Variants in BANP observed in about 807,000 individuals in gnomAD.
The protein encoded by BANP is BTG3 associated nuclear protein, also known as protein BANP.
A neutral mutation model predicts 68.1 loss-of-function variants in BANP; 11 were observed. The observed-to-expected ratio is 0.16, with a 90% CI of 0.10 to 0.27. BANP has a LOEUF of 0.27. Ranked by LOEUF, BANP falls within the 10% of genes least tolerant of loss-of-function variation. The pLI, the probability that BANP is intolerant of heterozygous loss-of-function variation, is 1.00. For synonymous variants in BANP, 329 were observed against 303.2 expected (o/e 1.09, Z -0.88); for missense variants, 504 against 722.7 (o/e 0.70, Z 3.47).
chr16:88,020,690 G>T lies in BANP; in HGVS notation c.895+2023G>T, dbSNP rs575593277. Among the ~76,000 whole-genome samples, 4 of 152,324 alleles carry T rather than the reference G, an allele frequency of 2.6e-5. No homozygotes were observed. The South Asian group carries it at 8.3e-4, about 32-fold the overall frequency. On this transcript the variant is annotated intron_variant, in intron 7 of 13. Transcript: ENST00000682872. ...GCTGTGTGGGGCAGTGGCATTCGGG[G>T]CTGGGCCCTGTTCCCAGGTGAGGAG...
Position 87,984,127 on chromosome 16 carries a change from C to T in BANP, c.230C>T (p.Ala77Val). 1.2e-6 allele frequency: 2 copies of T among 1,613,212 alleles called. No homozygotes were observed. The highest frequency in any genetic ancestry group is 1.7e-6 in the Non-Finnish European group (2 of 1,179,514). Residue 77 changes from alanine (A) to valine (V), a missense_variant, in exon 4 of 14, where the codon GCC becomes GTC. Coordinates refer to ENST00000682872, the MANE Select transcript of BANP (RefSeq NM_001386991.1). ...GATAGCATTGAAGCCAAATTGCAAGCCCTGGAGGCTACTTGTAAATCCTTA... is the reference window on the plus strand; with the variant it reads ...GATAGCATTGAAGCCAAATTGCAAGTCCTGGAGGCTACTTGTAAATCCTTA... Reference protein sequence around the residue: ...RLDSIEAKLQALEATCKSLEE... With the variant: ...RLDSIEAKLQVLEATCKSLEE...
chr16:87,974,852 C>T lies in BANP; in HGVS notation c.-68-196C>T, dbSNP rs113822666. On this transcript the variant is annotated intron_variant, in intron 1 of 13. Transcript: ENST00000682872. ...GTCCAGTGGTTAAGGAAAGAGGCAGCGGGTGGCGTTTTCAACTATTTGTTA... is the reference window on the plus strand; with the variant it reads ...GTCCAGTGGTTAAGGAAAGAGGCAGTGGGTGGCGTTTTCAACTATTTGTTA... Among the ~76,000 whole-genome samples, 726 of 152,240 alleles carry T rather than the reference C, an allele frequency of 4.8e-3. 9 individuals are homozygous for T. Among genetic ancestry groups the T allele is most frequent in the African/African-American group, 0.016 (657 of 41,540 alleles).
At chr16:88,031,387 T>C (rs1224912071) in intron 8 of BANP, among the ~76,000 whole-genome samples, 1 of 152,196 alleles carries the variant, frequency 6.6e-6, no homozygotes, top group Admixed American at 6.5e-5. Flanking sequence ...CTTACACCTA[T>C]AATCCCAGCA....
rs573868781 is a variant in BANP, at chr16:88,061,223, TGGGGTCTCCC to T, written c.1312-4039_1312-4030del. 8.7e-4 allele frequency among the ~76,000 whole-genome samples: 133 copies of T among 152,304 alleles called. 1 individual carries two copies. Among genetic ancestry groups the T allele is most frequent in the African/African-American group, 3.2e-3 (131 of 41,568 alleles). On this transcript the variant is annotated intron_variant, in intron 11 of 13. Coordinates refer to ENST00000682872, the MANE Select transcript of BANP (RefSeq NM_001386991.1). ...GCCACAAGGCACCTTTGTGTGAATGTGGGGTCTCCCGGGGCATCTTGCCATCGCTCTGGGC... is the reference window on the plus strand; with the variant it reads ...GCCACAAGGCACCTTTGTGTGAATGTGGGGCATCTTGCCATCGCTCTGGGC...
Position 88,059,980 on chromosome 16 carries a change from G to T in BANP, c.1312-5287G>T, listed in dbSNP as rs139213959. ...GAGGGCTGAGGTTGGCACAGGTGGG[G>T]TTCTCCGTGTAGTGTGTGGTGAGAC... is the stretch of plus-strand genomic sequence containing the variant. On this transcript the variant is annotated intron_variant, in intron 11 of 13. Transcript: ENST00000682872. Among the ~76,000 whole-genome samples, 738 of 152,364 alleles carry T rather than the reference G, an allele frequency of 4.8e-3. 6 individuals carry two copies. Among genetic ancestry groups the T allele is most frequent in the Middle Eastern group, 0.01 (3 of 294 alleles).
rs372806525 is a variant in BANP at position 88,038,044 on chromosome 16, G to A, written c.1311+33G>A. 141 of 1,600,482 alleles carry A rather than the reference G, an allele frequency of 8.8e-5. 1 individual carries two copies. The African/African-American group carries it at 1.1e-3, about 12-fold the overall frequency. ...TCCCAGTCCCCATGCACATGCGGGC[G>A]TTGCGCTGCCGAGGGATGGGGTTCT... On this transcript the variant is annotated intron_variant, in intron 11 of 13. Transcript: ENST00000682872.
intron 1 of BANP, among the ~76,000 whole-genome samples, chr16:87,954,985 G>C (rs1157861075): frequency 6.6e-6 from 1 of 152,250 alleles, no homozygotes; most frequent in African/African-American, 2.4e-5. Flanking sequence ...TTGCAGCGTG[G>C]GCTGGTGGCT....
At chr16:88,075,723 C>T (rs943865567) in intron 13 of BANP, among the ~76,000 whole-genome samples, 1 of 150,372 alleles carries the variant, frequency 6.7e-6, no homozygotes, top group Non-Finnish European at 1.5e-5. Context: ...TGACTTATTC[C>T]AAGACTGTAT....
chr16:88,007,353 C>T (rs148707519), intron 6 of BANP, among the ~76,000 whole-genome samples: 3 of 152,152 alleles, frequency 2.0e-5, no homozygotes, highest in Non-Finnish European at 4.4e-5. Flanking sequence ...CCATTTCCCC[C>T]GAGATCTGGA....
intron 8 of BANP, 141 bp downstream of exon 8, chr16:88,027,791 G>A (rs924952743): frequency 4.5e-5 from 45 of 995,924 alleles, no homozygotes; most frequent in African/African-American, 1.3e-4. Context: ...CGGTGCGCAC[G>A]GAGCAGTGGA....
In BANP at chr16:88,018,711, T is replaced by C; in HGVS notation, c.895+44T>C. 2.0e-6 allele frequency: 3 copies of C among 1,533,508 alleles called. No individual in the cohort carries two copies. The highest frequency in any genetic ancestry group is 2.6e-6 in the Non-Finnish European group (3 of 1,135,768). The allele number at this position is 1,533,508 out of a possible 1,614,324, so 95.0% of individuals were successfully genotyped here. A position where few individuals can be genotyped will look rare whatever the true frequency, so the allele number is the denominator to read the frequency against. ...TGGGGGACTGGGGTGTGCGGGGAGC[T>C]GGGTCAGGACCCACATTTCAATGCT... On this transcript the variant is annotated intron_variant, in intron 7 of 13. Transcript: ENST00000682872. The surrounding 1 kb of genome is among the most constrained non-coding windows in gnomAD (Gnocchi z 7.7).
intron 7 of BANP, among the ~76,000 whole-genome samples, chr16:88,020,512 G>A (rs1369469917): frequency 3.3e-5 from 5 of 152,256 alleles, no homozygotes; most frequent in East Asian, 1.9e-4. Context: ...CAGAGCGTGC[G>A]GTCAGGTAGA....
At chr16:88,005,310 G>GA (rs759419307) in intron 5 of BANP, among the ~76,000 whole-genome samples, 1 of 152,220 alleles carries the variant, frequency 6.6e-6, no homozygotes, top group Non-Finnish European at 1.5e-5. Flanking sequence ...ATCCAGGCCA[G>GA]AAAGTGCAGA....
At chr16:87,955,081 C>T (rs979993013) in intron 1 of BANP, among the ~76,000 whole-genome samples, 1 of 152,208 alleles carries the variant, frequency 6.6e-6, no homozygotes, top group Non-Finnish European at 1.5e-5. Flanking sequence ...GACTTTGGCT[C>T]CTCGCTGGGT....
At chr16:87,993,349 C>G (rs1355103201) in intron 4 of BANP, among the ~76,000 whole-genome samples, 1 of 152,226 alleles carries the variant, frequency 6.6e-6, no homozygotes, top group Admixed American at 6.5e-5. Flanking sequence ...GTCACAGATA[C>G]TGTTGTCAGT....
chr16:88,038,384 G>C (rs186437196), intron 11 of BANP, among the ~76,000 whole-genome samples: 1,817 of 152,258 alleles, frequency 0.012, 35 homozygotes, highest in African/African-American at 0.041. Context: ...GGCCTGGAAG[G>C]GGGGAGGGCA....
At chr16:87,959,463 G>A (rs2058704823) in intron 1 of BANP, among the ~76,000 whole-genome samples, 1 of 152,160 alleles carries the variant, frequency 6.6e-6, no homozygotes. Context: ...ATGGGGAGAG[G>A]CCTGGGCCCT....
chr16:88,055,626 A>T (rs1471509614), intron 11 of BANP, among the ~76,000 whole-genome samples: 3 of 152,132 alleles, frequency 2.0e-5, no homozygotes, highest in Non-Finnish European at 2.9e-5. Context: ...ATTTTTTTGG[A>T]GAGAGCGAGG....
In BANP at chr16:88,004,775, C is replaced by G. The variant is rs2070478354; in HGVS notation, c.479+364C>G. On this transcript the variant is annotated intron_variant, in intron 5 of 13. Transcript: ENST00000682872. The surrounding 1 kb of genome is among the most constrained non-coding windows in gnomAD (Gnocchi z 7.0). ...GCAGAGCGTGTCAGGCAAACAGACG[C>G]CCTCTCCCACGGTTGCTAAGTGGTG... Among the ~76,000 whole-genome samples the G allele has an allele frequency of 2.6e-5, 4 of 152,214 alleles. No individual in the cohort carries two copies. The highest frequency in any genetic ancestry group is 2.6e-4 in the Admixed American group (4 of 15,290).
Sources: gnomAD v4.1 joint callset for allele counts (sites outside exome capture counted in the v4.1 genomes callset) on GRCh38, gnomAD v4.1.1 for gene constraint, Gnocchi (gnomAD v3.1) non-coding constraint, MANE v1.5 for transcripts, NCBI Gene and HGNC (gene_info 2026-07-23, HGNC 2026-07-21) for gene names.